AFF3: variants seen among roughly 807,000 people sequenced by gnomAD.
AFF3 encodes ALF transcription elongation factor 3.
Under a neutral mutation model 129.7 loss-of-function variants are expected in AFF3, and 32 were observed. The observed-to-expected ratio is 0.25, with a 90% confidence interval of 0.19 to 0.33. The LOEUF (loss-of-function observed/expected upper bound fraction) is 0.33, where lower values mean the gene tolerates loss of function less well. AFF3 is among the 10% of genes least tolerant of loss of function. The pLI, the probability that AFF3 is intolerant of heterozygous loss-of-function variation, is 1.00. For missense variants in AFF3, 1,373 were observed against 1,592.0 expected, an observed-to-expected ratio of 0.86 and a Z score of 2.34; for synonymous variants, 644 against 635.4, an observed-to-expected ratio of 1.01 and a Z score of -0.20.
intron 4 of AFF3, among the ~76,000 whole-genome samples, chr2:100,018,972 G>A (rs1683364426): frequency 6.6e-6 from 1 of 151,318 alleles, no homozygotes; most frequent in African/African-American, 2.4e-5. Context: ...CAGCTCCTAG[G>A]AATTTTAAAA....
At chr2:99,888,060 T>C (rs1211438210) in intron 7 of AFF3, among the ~76,000 whole-genome samples, 1 of 152,232 alleles carries the variant, frequency 6.6e-6, no homozygotes, top group African/African-American at 2.4e-5. Context: ...AACGCTGTCA[T>C]AGTCAAAAAT....
chr2:100,076,342 C>G (rs1308281067), intron 4 of AFF3, among the ~76,000 whole-genome samples: 2 of 152,214 alleles, frequency 1.3e-5, no homozygotes, highest in African/African-American at 2.4e-5. Context: ...GTATCACATT[C>G]AGACTGTGTG....
intron 8 of AFF3, among the ~76,000 whole-genome samples, chr2:99,821,843 C>T (rs142174968): frequency 2.0e-5 from 3 of 152,282 alleles, no homozygotes; most frequent in East Asian, 3.9e-4. Flanking sequence ...TCGTGTCACA[C>T]AACAGGCATT....
At chr2:99,692,280 C>T (rs1675744854) in intron 11 of AFF3, among the ~76,000 whole-genome samples, 1 of 152,186 alleles carries the variant, frequency 6.6e-6, no homozygotes, top group Non-Finnish European at 1.5e-5. Flanking sequence ...TCTGATTTGG[C>T]CCTTGTTGAG....
chr2:99,884,977 A>G (rs766858526), intron 7 of AFF3, among the ~76,000 whole-genome samples: 4 of 152,092 alleles, frequency 2.6e-5, no homozygotes, highest in Non-Finnish European at 5.9e-5. Context: ...TAGCTTGCCA[A>G]CTGCCCACCG....
At chr2:99,983,785 T>C (rs1679614126) in intron 7 of AFF3, among the ~76,000 whole-genome samples, 1 of 152,188 alleles carries the variant, frequency 6.6e-6, no homozygotes, top group Non-Finnish European at 1.5e-5. Context: ...AGGATAATGC[T>C]GTCAGGGAAG....
intron 4 of AFF3, among the ~76,000 whole-genome samples, chr2:100,061,858 G>T (rs1030711550): frequency 6.3e-5 from 4 of 63,918 alleles, no homozygotes; most frequent in East Asian, 2.6e-4. Flanking sequence ...GCACAGTGGA[G>T]GGGGGGGGGG....
chr2:99,564,636 A>C (rs1169699555), intron 20 of AFF3, among the ~76,000 whole-genome samples: 2 of 152,234 alleles, frequency 1.3e-5, no homozygotes, highest in Non-Finnish European at 2.9e-5. Flanking sequence ...ACCAAGTAGC[A>C]TCTTTGGGCC....
At chr2:100,128,221 G>A (rs7565967) in intron 2 of AFF3, among the ~76,000 whole-genome samples, 5 of 151,972 alleles carry the variant, frequency 3.3e-5, no homozygotes, top group Admixed American at 6.6e-5. Flanking sequence ...GTAGCCATTC[G>A]TTTATTCCTT....
chr2:99,985,399 A>G (rs1025667928), intron 7 of AFF3, among the ~76,000 whole-genome samples: 4 of 152,190 alleles, frequency 2.6e-5, no homozygotes, highest in African/African-American at 9.6e-5. Context: ...AAATTTGCTA[A>G]ATTTATTGCT....
chr2:100,112,728 G>A (rs1180288126), intron 2 of AFF3, among the ~76,000 whole-genome samples: 1 of 152,086 alleles, frequency 6.6e-6, no homozygotes, highest in South Asian at 2.1e-4. Flanking sequence ...ACAATGGGAG[G>A]TAGAAAGCAG....
intron 2 of AFF3, chr2:100,106,530 T>G: frequency 1.0e-6 from 1 of 998,436 alleles, no homozygotes; most frequent in Non-Finnish European, 1.2e-6. Context: ...ATCGAGACAT[T>G]GAGACAGCAT....
chr2:100,019,330 C>A (rs1683396955), intron 4 of AFF3, among the ~76,000 whole-genome samples: 1 of 152,190 alleles, frequency 6.6e-6, no homozygotes, highest in Non-Finnish European at 1.5e-5. Context: ...ATCCATTGAA[C>A]TGAATCAACT....
chr2:99,966,388 G>A (rs866706065), intron 7 of AFF3, among the ~76,000 whole-genome samples: 4 of 152,220 alleles, frequency 2.6e-5, no homozygotes, highest in Non-Finnish European at 2.9e-5. Context: ...CAGAAAAGAT[G>A]GTTTTAAAAG....
chr2:99,597,778 C>T lies in AFF3; in HGVS notation c.1372-3489G>A, dbSNP rs79138550. 1.0e-2 allele frequency among the ~76,000 whole-genome samples: 1,520 copies of T among 152,320 alleles called. 26 individuals are homozygous for T. The highest frequency in any genetic ancestry group is 0.033 in the African/African-American group (1,384 of 41,562). The stretch of plus-strand genomic sequence containing the variant: ...CAGTCCGCCTCCTGAGCCGTCCATC[C>T]GGGGTTTCTGCCCAAGGTTCTGGTT... On this transcript the variant is annotated intron_variant, in intron 14 of 24. Coordinates refer to ENST00000672756, the MANE Select transcript of AFF3 (RefSeq NM_001386135.1).
chr2:99,838,552 T>C (rs908171798), intron 7 of AFF3, among the ~76,000 whole-genome samples: 8 of 152,162 alleles, frequency 5.3e-5, no homozygotes, highest in Non-Finnish European at 8.8e-5. Flanking sequence ...ACCCTGACCC[T>C]AGAGTGCTTG....
intron 4 of AFF3, among the ~76,000 whole-genome samples, chr2:100,047,119 C>T (rs530330589): frequency 9.9e-5 from 15 of 152,264 alleles, no homozygotes; most frequent in African/African-American, 3.4e-4. Flanking sequence ...TTCTTGGTCC[C>T]GACGGCCACG....
At chr2:99,634,149 C>T (rs897696580) in intron 13 of AFF3, among the ~76,000 whole-genome samples, 1 of 152,136 alleles carries the variant, frequency 6.6e-6, no homozygotes. Context: ...CTCAGGTGAT[C>T]CACCTGCTTC....
At chr2:99,899,757 C>T (rs1694218131) in intron 7 of AFF3, among the ~76,000 whole-genome samples, 1 of 152,114 alleles carries the variant, frequency 6.6e-6, no homozygotes, top group Non-Finnish European at 1.5e-5. Flanking sequence ...GCCACATGGC[C>T]AAGAAACAGA....
Sources: gnomAD v4.1 joint callset for allele counts (sites outside exome capture counted in the v4.1 genomes callset) on GRCh38, gnomAD v4.1.1 for gene constraint, MANE v1.5 for transcripts, NCBI Gene and HGNC (gene_info 2026-07-23, HGNC 2026-07-21) for gene names.